The following TMEM154 variants were observed in gnomAD, a reference collection of about 807,000 sequenced individuals.
The protein encoded by TMEM154 is transmembrane protein 154.
TMEM154 carries 27 observed loss-of-function variants against 24.5 expected under a neutral mutation model. The ratio of observed to expected loss-of-function variants is 1.10; its 90% CI spans 0.81 to 1.52. The LOEUF (loss-of-function observed/expected upper bound fraction) is 1.52. TMEM154 is among the 40% of genes most tolerant of loss of function. TMEM154 has a pLI of 0.00. For missense variants in TMEM154, 228 were observed against 213.4 expected (o/e 1.07, Z -0.43); for synonymous variants, 67 against 76.8 (o/e 0.87, Z 0.67).
intron 4 of TMEM154, 86 bp from the exon 5 acceptor site, chr4:152,643,259 G>A: frequency 9.6e-7 from 1 of 1,044,502 alleles, no homozygotes; most frequent in Non-Finnish European, 1.4e-6. Flanking sequence ...TGCTGATCCT[G>A]AGGAAGATGA....
intron 6 of TMEM154, among the ~76,000 whole-genome samples, chr4:152,636,516 T>C (rs1157522896): frequency 6.6e-6 from 1 of 152,260 alleles, no homozygotes; most frequent in Non-Finnish European, 1.5e-5. Context: ...CTGGTCCTTA[T>C]TAAAATCCTG....
At chr4:152,654,583 G>A (rs1481300253) in intron 1 of TMEM154, among the ~76,000 whole-genome samples, 2 of 152,312 alleles carry the variant, frequency 1.3e-5, no homozygotes, top group African/African-American at 4.8e-5. Context: ...AGGCCTTTGA[G>A]AGGTCATTAG....
intron 1 of TMEM154, among the ~76,000 whole-genome samples, chr4:152,653,390 ATTTT>A (rs56224803): frequency 7.0e-6 from 1 of 141,940 alleles, no homozygotes. Flanking sequence ...CTGTGTCCTA[ATTTT>A]TTTTTTTTTT....
chr4:152,675,118 C>T (rs1426097878), intron 1 of TMEM154, among the ~76,000 whole-genome samples: 1 of 130,126 alleles, frequency 7.7e-6, no homozygotes, highest in Non-Finnish European at 1.5e-5. Context: ...GATCACACCA[C>T]TGTGCTCCAG....
At chr4:152,678,186 G>A (rs1728985297) in intron 1 of TMEM154, among the ~76,000 whole-genome samples, 1 of 152,012 alleles carries the variant, frequency 6.6e-6, no homozygotes, top group South Asian at 2.1e-4. Flanking sequence ...AGAGTCTAAG[G>A]GGCAAAAATG....
rs1751861874 is a variant in TMEM154, at chr4:152,622,740, C to T, written c.*5806G>A. ...GGAAAAATACTATACATATTATTCT[C>T]AGTATGCAAAGTAGGAGAAAAACAC... On this transcript the variant is annotated 3_prime_UTR_variant, in exon 7 of 7. Coordinates refer to ENST00000304385, the MANE Select transcript of TMEM154 (RefSeq NM_152680.3). The T allele has an allele frequency of 1.3e-5, 2 of 152,114 alleles. No individual in the cohort carries two copies. Among genetic ancestry groups the T allele is most frequent in the South Asian group, 2.1e-4 (1 of 4,828 alleles). 9.4% of individuals were successfully genotyped at this position (152,114 alleles called of 1,614,324 possible). A position where few individuals can be genotyped will look rare whatever the true frequency, so the allele number is the denominator to read the frequency against.
At chr4:152,642,070 G>A (rs1458302651) in intron 5 of TMEM154, among the ~76,000 whole-genome samples, 2 of 151,734 alleles carry the variant, frequency 1.3e-5, no homozygotes, top group African/African-American at 4.8e-5. Context: ...GTACAGACAT[G>A]TGCCACACCC....
chr4:152,646,199 G>A (rs1038444264), intron 3 of TMEM154, among the ~76,000 whole-genome samples: 3 of 152,002 alleles, frequency 2.0e-5, no homozygotes, highest in Non-Finnish European at 4.4e-5. Flanking sequence ...CCACCGTTGT[G>A]GGCATGGATA....
chr4:152,652,194 C>A (rs752038403), intron 3 of TMEM154, among the ~76,000 whole-genome samples: 1 of 148,364 alleles, frequency 6.7e-6, no homozygotes, highest in Admixed American at 6.8e-5. Flanking sequence ...TGCAGAGACA[C>A]AAAGTAAACA....
chr4:152,628,819 T>TG (rs1489302677), intron 6 of TMEM154, among the ~76,000 whole-genome samples: 2 of 150,810 alleles, frequency 1.3e-5, no homozygotes, highest in Admixed American at 1.3e-4. Flanking sequence ...TGTATTTTTT[T>TG]TTTTTTTAGT....
intron 3 of TMEM154, among the ~76,000 whole-genome samples, chr4:152,645,897 C>G (rs746129003): frequency 2.2e-4 from 33 of 149,590 alleles, no homozygotes; most frequent in South Asian, 4.3e-4. Context: ...CCTGCAGATG[C>G]CTGACTCCTC....
At chr4:152,632,205 G>A (rs1488565730) in intron 6 of TMEM154, among the ~76,000 whole-genome samples, 1 of 151,790 alleles carries the variant, frequency 6.6e-6, no homozygotes, top group Admixed American at 6.6e-5. Flanking sequence ...ATTTTTTCTG[G>A]CTTTTTTTCT....
At chr4:152,638,619 C>T (rs1443627446) in intron 6 of TMEM154, among the ~76,000 whole-genome samples, 1 of 152,166 alleles carries the variant, frequency 6.6e-6, no homozygotes, top group African/African-American at 2.4e-5. Context: ...ATAACCAGTG[C>T]TTATTGAGAA....
chr4:152,628,593 CAAAAAAAA>C, intron 6 of TMEM154, 32 bp from the exon 7 acceptor site: 2 of 449,988 alleles, frequency 4.4e-6, no homozygotes, highest in South Asian at 2.5e-5. Flanking sequence ...AAAAAAAAAA[CAAAAAAAA>C]CACACACACA....
chr4:152,652,998 T>A, intron 1 of TMEM154, 71 bp from the exon 2 acceptor site: 5 of 1,418,218 alleles, frequency 3.5e-6, no homozygotes, highest in Non-Finnish European at 4.7e-6. Flanking sequence ...CAATGATTTT[T>A]AAATTATTCC....
At chr4:152,655,797 T>C (rs1259335440) in intron 1 of TMEM154, among the ~76,000 whole-genome samples, 1 of 152,134 alleles carries the variant, frequency 6.6e-6, no homozygotes, top group Non-Finnish European at 1.5e-5. Context: ...AGCAATCCCA[T>C]CCTCTGCAGT....
chr4:152,665,530 G>C (rs1728701753), intron 1 of TMEM154, among the ~76,000 whole-genome samples: 1 of 152,246 alleles, frequency 6.6e-6, no homozygotes, highest in Non-Finnish European at 1.5e-5. Flanking sequence ...GGATATGAGA[G>C]AGGGCTGTGA....
At chr4:152,638,196 G>C (rs775320359) in intron 6 of TMEM154, among the ~76,000 whole-genome samples, 1 of 152,198 alleles carries the variant, frequency 6.6e-6, no homozygotes, top group Non-Finnish European at 1.5e-5. Flanking sequence ...GGCCCAGGAG[G>C]TTGAGGCTAC....
At chr4:152,666,918 A>C (rs1728732707) in intron 1 of TMEM154, 1 of 152,322 alleles carries the variant, frequency 6.6e-6, no homozygotes. Context: ...GTGATGGGAC[A>C]CCATTGCTCA....
Sources: allele counts gnomAD v4.1 joint callset (sites outside exome capture counted in the v4.1 genomes callset), GRCh38; gene constraint gnomAD v4.1.1; transcripts MANE v1.5; gene names NCBI Gene and HGNC (gene_info 2026-07-23, HGNC 2026-07-21).